The following CYP2A13 variants were observed in gnomAD, a reference collection of about 807,000 sequenced individuals.
CYP2A13 encodes cytochrome P450 2A13.
Under a neutral mutation model 39.4 loss-of-function variants are expected in CYP2A13, and 30 were observed. The observed-to-expected ratio is 0.76, with a 90% CI of 0.57 to 1.03. The LOEUF (loss-of-function observed/expected upper bound fraction) is 1.03. Ranked by LOEUF, CYP2A13 falls within the 50% of genes least tolerant of loss-of-function variation. The pLI, the probability that CYP2A13 is intolerant of heterozygous loss-of-function variation, is 0.00. For synonymous variants in CYP2A13, 269 were observed against 254.7 expected (o/e 1.06, Z -0.54); for missense variants, 731 against 648.4 (o/e 1.13, Z -1.38).
rs538880790 is a variant in CYP2A13, at chr19:41,089,814, C to G, written c.344-233C>G. ...TATTCTTTCTACCCGGTCTCTCTCTCTCTCTCTCTCTCTCTCTCTCTCTCT... is the reference window on the plus strand; with the variant it reads ...TATTCTTTCTACCCGGTCTCTCTCTGTCTCTCTCTCTCTCTCTCTCTCTCT... On this transcript the variant is annotated intron_variant, in intron 2 of 8. Coordinates refer to ENST00000330436, the MANE Select transcript of CYP2A13 (RefSeq NM_000766.5). Among the ~76,000 whole-genome samples the G allele has an allele frequency of 4.3e-3, 64 of 14,968 alleles. 1 individual carries two copies. Among genetic ancestry groups the G allele is most frequent in the African/African-American group, 0.026 (60 of 2,320 alleles). The allele number at this position is 14,968 out of a possible 152,430, so 9.8% of individuals were successfully genotyped here.
chr19:41,089,622 T>A (rs989192419), intron 2 of CYP2A13, among the ~76,000 whole-genome samples: 3 of 151,986 alleles, frequency 2.0e-5, no homozygotes, highest in Non-Finnish European at 2.9e-5. Flanking sequence ...TAAGAATCTT[T>A]CACCATTTTT....
At chr19:41,090,654 C>T in intron 4 of CYP2A13, 90 bp downstream of exon 4, 1 of 1,583,952 alleles carries the variant, frequency 6.3e-7, no homozygotes, top group South Asian at 1.1e-5. Flanking sequence ...CTCCCACCCC[C>T]CTCCAGACAG....
In CYP2A13 at chr19:41,093,653, G is replaced by C. The variant is rs2031236897; in HGVS notation, c.855G>C (p.Glu285Asp). The C allele has an allele frequency of 4.3e-6, 7 of 1,614,160 alleles. No homozygotes were observed. Among genetic ancestry groups the C allele is most frequent in the Non-Finnish European group, 5.9e-6 (7 of 1,180,028 alleles). Residue 285 changes from glutamate to aspartate, a missense_variant, in exon 6 of 9, where the codon GAG becomes GAC. Physicochemically the swap from Glu to Asp is conservative, Grantham distance 45 (BLOSUM62 2). Transcript: ENST00000330436. Reference protein sequence around the residue: ...MQEEEKNPNTEFYLKNLVMTT... With the variant: ...MQEEEKNPNTDFYLKNLVMTT... ...AGGAGGAGAAGAACCCCAACACAGA[G>C]TTCTACTTGAAGAACCTGGTGATGA... is the stretch of plus-strand genomic sequence containing the variant.
At chr19:41,090,592 C>T (rs1218534598) in intron 4 of CYP2A13, 28 bp downstream of exon 4, 3 of 1,613,704 alleles carry the variant, frequency 1.9e-6, no homozygotes, top group African/African-American at 2.7e-5. Flanking sequence ...GCCAGTGACG[C>T]CCCTACCACA....
Position 41,091,675 on chromosome 19 carries a change from C to T in CYP2A13, c.655-57C>T, listed in dbSNP as rs148429300. The T allele has an allele frequency of 9.0e-5, 144 of 1,597,302 alleles. No individual in the cohort carries two copies. In the African/African-American group the frequency reaches 1.7e-3, roughly 19 times the overall value. ...CTATGAAACAAATCCCCATTCCCATCAGCTCCTGCCCCGTGACAGCTGTCC... is the reference window on the plus strand; with the variant it reads ...CTATGAAACAAATCCCCATTCCCATTAGCTCCTGCCCCGTGACAGCTGTCC... On this transcript the variant is annotated intron_variant, in intron 4 of 8. Transcript: ENST00000330436.
Position 41,091,397 on chromosome 19 carries a change from G to A in CYP2A13, c.655-335G>A, listed in dbSNP as rs192721827. Among the ~76,000 whole-genome samples, 122 of 152,278 alleles carry A rather than the reference G, an allele frequency of 8.0e-4. No individual in the cohort carries two copies. The East Asian group carries it at 0.02, about 24-fold the overall frequency. Reference sequence around the variant, plus strand: ...CACTCACCTCATACCAGCCCCACCTGAAGAGCTAAACACCTGGACAGGTGT... The same window carrying A: ...CACTCACCTCATACCAGCCCCACCTAAAGAGCTAAACACCTGGACAGGTGT... On this transcript the variant is annotated intron_variant, in intron 4 of 8. Transcript: ENST00000330436.
intron 7 of CYP2A13, among the ~76,000 whole-genome samples, 168 bp from the exon 8 acceptor site, chr19:41,094,791 G>A (rs1450193888): frequency 1.3e-5 from 2 of 152,028 alleles, no homozygotes; most frequent in Non-Finnish European, 1.5e-5. Context: ...TCCTGTTTCA[G>A]AGACATGAAA....
rs2031298643 is a variant in CYP2A13 at position 41,095,979 on chromosome 19, C to T, written c.*38C>T. The stretch of plus-strand genomic sequence containing the variant: ...CTGGTGCAGGGCTGGTGGGCGGGGC[C>T]AGGGAAACGGCCGGGGCAGGGGCGG... On this transcript the variant is annotated 3_prime_UTR_variant, in exon 9 of 9. Coordinates refer to ENST00000330436, the MANE Select transcript of CYP2A13 (RefSeq NM_000766.5). The T allele has an allele frequency of 8.0e-7, 1 of 1,247,892 alleles. No individual in the cohort carries two copies. Among genetic ancestry groups the T allele is most frequent in the Non-Finnish European group, 1.0e-6 (1 of 975,462 alleles). 77.3% of individuals were successfully genotyped at this position (1,247,892 alleles called of 1,614,324 possible). A position where few individuals can be genotyped will look rare whatever the true frequency, so the allele number is the denominator to read the frequency against.
intron 2 of CYP2A13, among the ~76,000 whole-genome samples, 156 bp downstream of exon 2, chr19:41,089,247 T>C (rs1443738766): frequency 1.3e-5 from 2 of 152,084 alleles, no homozygotes; most frequent in Non-Finnish European, 2.9e-5. Flanking sequence ...CCTCTCCCTG[T>C]GCGTCCCTCA....
rs1376686683 is a variant in CYP2A13 at position 41,090,564 on chromosome 19, G to A, written c.654G>A (p.Gln218=). 6.2e-7 allele frequency: 1 copy of A among 1,614,028 alleles called. No individual in the cohort carries two copies. The highest frequency in any genetic ancestry group is 8.5e-7 in the Non-Finnish European group (1 of 1,179,938). Residue 218 remains glutamine, a splice_region_variant and synonymous_variant, in exon 4 of 9, where the codon CAG becomes CAA. Transcript: ENST00000330436. Reference sequence around the variant, plus strand: ...AGTTCACGGCAACCTCCACGGGGCAGGTAACTGGCTGCAGCCCGCCAGTGA... The same window carrying A: ...AGTTCACGGCAACCTCCACGGGGCAAGTAACTGGCTGCAGCCCGCCAGTGA... The part of the protein sequence containing the change: ...SFQFTATSTG[Q]LYEMFSSVMK...
rs758540832 is a variant in CYP2A13, at chr19:41,090,183, C to T, written c.480C>T (p.Leu160=). The part of the protein sequence containing the change: ...QEEAGFLIDA[L]RGTHGANIDP... ...AGGCGGGCTTCCTCATCGACGCCCTCCGGGGCACGCACGGTGAGTAGGGGA... is the reference window on the plus strand; with the variant it reads ...AGGCGGGCTTCCTCATCGACGCCCTTCGGGGCACGCACGGTGAGTAGGGGA... The change falls in exon 3 of 9, where the codon CTC becomes CTT. Residue 160 remains leucine (L), a synonymous_variant. Coordinates refer to ENST00000330436, the MANE Select transcript of CYP2A13 (RefSeq NM_000766.5). 6 of 1,580,284 alleles carry T rather than the reference C, an allele frequency of 3.8e-6. No homozygotes were observed. Among genetic ancestry groups the T allele is most frequent in the Non-Finnish European group, 5.2e-6 (6 of 1,162,530 alleles).
chr19:41,091,074 A>G (rs2031179050), intron 4 of CYP2A13, among the ~76,000 whole-genome samples: 1 of 152,148 alleles, frequency 6.6e-6, no homozygotes, highest in African/African-American at 2.4e-5. Context: ...GCCTGAAAAC[A>G]TGGACAGGTG....
chr19:41,089,212 C>G (rs1219387662), intron 2 of CYP2A13, 121 bp downstream of exon 2: 1 of 1,502,330 alleles, frequency 6.7e-7, no homozygotes, highest in East Asian at 2.4e-5. Context: ...GTCTGGTCTT[C>G]TCTCCCCATC....
Position 41,092,487 on chromosome 19 carries a change from T to C in CYP2A13, c.831+579T>C, listed in dbSNP as rs570907933. On this transcript the variant is annotated intron_variant, in intron 5 of 8. Coordinates refer to ENST00000330436, the MANE Select transcript of CYP2A13 (RefSeq NM_000766.5). Reference sequence around the variant, plus strand: ...AGGCACTGCGTTAAGTGCTTTAAGATAGTCCGCCATGGAACACTTATAACA... The same window carrying C: ...AGGCACTGCGTTAAGTGCTTTAAGACAGTCCGCCATGGAACACTTATAACA... Among the ~76,000 whole-genome samples the C allele has an allele frequency of 1.6e-4, 24 of 152,250 alleles. No homozygotes were observed. In the South Asian group the frequency reaches 3.3e-3, roughly 21 times the overall value.
chr19:41,089,843 TCTCTCTCTCTCTCTCTCTCTCTC>T lies in CYP2A13; in HGVS notation c.344-203_344-181del, dbSNP rs1309093985. Among the ~76,000 whole-genome samples the T allele has an allele frequency of 1.0e-3, 128 of 125,544 alleles. 2 individuals carry two copies. The highest frequency in any genetic ancestry group is 3.5e-3 in the Admixed American group (38 of 10,744). The allele number at this position is 125,544 out of a possible 152,430, so 82.4% of individuals were successfully genotyped here. On this transcript the variant is annotated intron_variant, in intron 2 of 8. Transcript: ENST00000330436. The stretch of plus-strand genomic sequence containing the variant: ...CTCTCTCTCTCTCTCTCTCTCTCTC[TCTCTCTCTCTCTCTCTCTCTCTC>T]TCTCTCGTGCTCTCGTGTTTCTCTG...
At chr19:41,095,684 C>G (rs887693207) in intron 8 of CYP2A13, 76 bp from the exon 9 acceptor site, 35 of 1,567,172 alleles carry the variant, frequency 2.2e-5, no homozygotes, top group Non-Finnish European at 3.0e-5. Flanking sequence ...CTAGAGAGTG[C>G]AGCCGGGGGT....
chr19:41,093,042 G>A (rs1047191007), intron 5 of CYP2A13, among the ~76,000 whole-genome samples: 13 of 151,608 alleles, frequency 8.6e-5, no homozygotes, highest in South Asian at 4.2e-4. Context: ...GCAAAACCCC[G>A]TCTGTACAAA....
At chr19:41,093,939 T>C (rs571239759) in intron 6 of CYP2A13, among the ~76,000 whole-genome samples, 168 bp downstream of exon 6, 7 of 152,180 alleles carry the variant, frequency 4.6e-5, no homozygotes, top group African/African-American at 9.6e-5. Flanking sequence ...TCATTAGCTA[T>C]TAAAATATTG....
At position 41,095,057 on chromosome 19, in the gene CYP2A13, G is replaced by C. The variant is rs534584012; in HGVS notation, c.1260G>C (p.Lys420Asn). Residue 420 changes from lysine (K) to asparagine (N), a missense_variant, in exon 8 of 9, where the codon AAG becomes AAC. Lys to Asn is a moderately conservative substitution (Grantham distance 94). Transcript: ENST00000330436. ...ATCCCCAGCACTTCCTGGATAAGAA[G>C]GGGCAGTTTAAGAAGAGTGATGCTT... The part of the protein sequence containing the change: ...DFNPQHFLDK[K>N]GQFKKSDAFV... The C allele has an allele frequency of 1.1e-5, 18 of 1,614,042 alleles. No homozygotes were observed. In the South Asian group the frequency reaches 1.9e-4, roughly 17 times the overall value.
Sources: allele counts gnomAD v4.1 joint callset (sites outside exome capture counted in the v4.1 genomes callset), GRCh38; gene constraint gnomAD v4.1.1; transcripts MANE v1.5; gene names NCBI Gene and HGNC (gene_info 2026-07-23, HGNC 2026-07-21).